LSAMP: variants seen among roughly 807,000 people sequenced by gnomAD.
The protein encoded by LSAMP is limbic system associated membrane protein.
LSAMP carries 7 observed loss-of-function variants against 38.6 expected under a neutral mutation model. The observed-to-expected ratio is 0.18, with a 90% CI of 0.10 to 0.34. The LOEUF (loss-of-function observed/expected upper bound fraction) is 0.34, where lower values mean the gene tolerates loss of function less well. LSAMP is among the 10% of genes least tolerant of loss of function. The pLI is 1.00. For missense variants in LSAMP, 313 were observed against 420.0 expected (o/e 0.75, Z 2.23); for synonymous variants, 154 against 166.8 (o/e 0.92, Z 0.59).
At chr3:116,141,217 A>C (rs998569407) in intron 1 of LSAMP, among the ~76,000 whole-genome samples, 4 of 151,964 alleles carry the variant, frequency 2.6e-5, no homozygotes, top group Admixed American at 2.0e-4. Flanking sequence ...CGGAGTGAAG[A>C]TACATATCCA....
At chr3:116,366,572 C>T (rs1274091199) in intron 1 of LSAMP, among the ~76,000 whole-genome samples, 1 of 152,126 alleles carries the variant, frequency 6.6e-6, no homozygotes, top group Non-Finnish European at 1.5e-5. Flanking sequence ...TCTCAGTGAG[C>T]ATGGAGGAAA....
intron 1 of LSAMP, among the ~76,000 whole-genome samples, chr3:116,407,471 T>C (rs931472393): frequency 3.3e-5 from 5 of 152,072 alleles, no homozygotes; most frequent in Non-Finnish European, 5.9e-5. Flanking sequence ...CATTCCCCCC[T>C]ATACCCACCA....
At chr3:115,856,582 G>A (rs1935515220) in intron 3 of LSAMP, among the ~76,000 whole-genome samples, 1 of 151,002 alleles carries the variant, frequency 6.6e-6, no homozygotes, top group South Asian at 2.1e-4. Context: ...TCGAGCCACT[G>A]CACTCCAGCC....
intron 1 of LSAMP, among the ~76,000 whole-genome samples, chr3:116,348,600 A>AT (rs1357745493): frequency 1.3e-5 from 2 of 152,240 alleles, no homozygotes; most frequent in South Asian, 2.1e-4. Context: ...CTTCATTTCC[A>AT]TTTCACCGAA....
chr3:116,394,877 T>C (rs964599395), intron 1 of LSAMP, among the ~76,000 whole-genome samples: 1 of 152,228 alleles, frequency 6.6e-6, no homozygotes, highest in African/African-American at 2.4e-5. Flanking sequence ...TTATAAGTGC[T>C]GTGGCTGTCG....
chr3:116,153,697 G>GA (rs1709675617), intron 1 of LSAMP, among the ~76,000 whole-genome samples: 1 of 151,632 alleles, frequency 6.6e-6, no homozygotes, highest in Non-Finnish European at 1.5e-5. Flanking sequence ...ATTCAATCTT[G>GA]TAAAAAAAAA....
chr3:116,433,875 G>C (rs537364640), intron 1 of LSAMP, among the ~76,000 whole-genome samples: 1 of 152,034 alleles, frequency 6.6e-6, no homozygotes, highest in South Asian at 2.1e-4. Flanking sequence ...GTGATTCCTT[G>C]TTCTGTCAGA....
Position 115,940,289 on chromosome 3 carries a change from T to G in LSAMP, c.514+79226A>C, listed in dbSNP as rs550315049. On this transcript the variant is annotated intron_variant, in intron 3 of 6. Coordinates refer to ENST00000490035, the MANE Select transcript of LSAMP (RefSeq NM_002338.5). ...TGCTGGCTGGGGTGGCCAGCTTTTA[T>G]TCCCTTATTTGGCCCCGCCCACGTC... Among the ~76,000 whole-genome samples the G allele has an allele frequency of 3.3e-5, 5 of 152,286 alleles. No homozygotes were observed. In the East Asian group the frequency reaches 7.7e-4, roughly 24 times the overall value.
intron 2 of LSAMP, among the ~76,000 whole-genome samples, chr3:116,083,470 C>T (rs9839078): frequency 0.26 from 40,043 of 152,078 alleles, 7,329 homozygotes; most frequent in African/African-American, 0.53. Context: ...TGTATTTAAA[C>T]AGCAAGAATG....
In LSAMP at chr3:115,984,889, A is replaced by G. The variant is rs1451058384; in HGVS notation, c.514+34626T>C. 2.0e-5 allele frequency among the ~76,000 whole-genome samples: 3 copies of G among 152,210 alleles called. No individual in the cohort carries two copies. In the South Asian group the frequency reaches 6.2e-4, roughly 32 times the overall value. On this transcript the variant is annotated intron_variant, in intron 3 of 6. Transcript: ENST00000490035. ...AAAATGATTGGCATGTACGAAACAC[A>G]GAGGTGTAAGAGTGCTTCTTATATT...
intron 1 of LSAMP, among the ~76,000 whole-genome samples, chr3:116,387,734 C>G (rs1010357363): frequency 1.3e-5 from 2 of 152,064 alleles, no homozygotes; most frequent in African/African-American, 4.8e-5. Context: ...GAAATTGAGT[C>G]ACTGCCACAT....
intron 1 of LSAMP, among the ~76,000 whole-genome samples, chr3:116,256,516 TAAAAC>T (rs1424855376): frequency 6.6e-6 from 1 of 152,200 alleles, no homozygotes; most frequent in Non-Finnish European, 1.5e-5. Flanking sequence ...AAAGAAGTAA[TAAAAC>T]AGTCCATTGA....
chr3:116,058,298 A>T (rs1185373055), intron 2 of LSAMP, among the ~76,000 whole-genome samples: 1 of 152,064 alleles, frequency 6.6e-6, no homozygotes, highest in Non-Finnish European at 1.5e-5. Flanking sequence ...TGATCCCTAG[A>T]TGTTTCATGT....
At chr3:115,981,424 T>A (rs567439705) in intron 3 of LSAMP, among the ~76,000 whole-genome samples, 2 of 149,540 alleles carry the variant, frequency 1.3e-5, no homozygotes, top group East Asian at 1.9e-4. Context: ...GTATGATCTT[T>A]AAAAAAAAAA....
At chr3:116,038,462 G>A (rs551998124) in intron 2 of LSAMP, among the ~76,000 whole-genome samples, 1 of 152,232 alleles carries the variant, frequency 6.6e-6, no homozygotes, top group Non-Finnish European at 1.5e-5. Flanking sequence ...GGTAACAGGT[G>A]ACCAGCAACT....
intron 1 of LSAMP, among the ~76,000 whole-genome samples, chr3:116,159,695 T>C (rs1380192546): frequency 6.6e-6 from 1 of 152,114 alleles, no homozygotes; most frequent in Non-Finnish European, 1.5e-5. Flanking sequence ...GTTTGGTGAT[T>C]TTTCAAATAA....
intron 2 of LSAMP, among the ~76,000 whole-genome samples, chr3:116,032,983 T>A (rs995214679): frequency 1.3e-4 from 20 of 152,120 alleles, no homozygotes; most frequent in Admixed American, 9.8e-4. Flanking sequence ...GTAGAAGCAA[T>A]GGGAGATTCG....
At chr3:116,274,900 T>C (rs1223024579) in intron 1 of LSAMP, among the ~76,000 whole-genome samples, 2 of 144,714 alleles carry the variant, frequency 1.4e-5, no homozygotes, top group African/African-American at 2.5e-5. Flanking sequence ...GGTGTAGTTA[T>C]ACATAAAAAG....
intron 1 of LSAMP, among the ~76,000 whole-genome samples, chr3:116,178,899 C>T (rs1479228289): frequency 6.6e-6 from 1 of 152,162 alleles, no homozygotes; most frequent in Non-Finnish European, 1.5e-5. Context: ...TTTCTTTCCT[C>T]TTTCCTGCTC....
Sources: gnomAD v4.1 joint callset for allele counts (sites outside exome capture counted in the v4.1 genomes callset) on GRCh38, gnomAD v4.1.1 for gene constraint, MANE v1.5 for transcripts, NCBI Gene and HGNC (gene_info 2026-07-23, HGNC 2026-07-21) for gene names.